Variants in SIGLEC7 observed in about 807,000 individuals in gnomAD.
SIGLEC7 encodes the protein sialic acid binding Ig like lectin 7.
A neutral mutation model predicts 40.8 loss-of-function variants in SIGLEC7; 33 were observed. The observed-to-expected ratio is 0.81, with a 90% confidence interval of 0.61 to 1.08. The LOEUF (loss-of-function observed/expected upper bound fraction) is 1.08. Among genes scored for constraint, SIGLEC7 ranks in the 50% least tolerant of loss-of-function variants. The pLI is 0.00. For missense variants in SIGLEC7, 513 were observed against 576.1 expected (o/e 0.89, Z 1.12); for synonymous variants, 242 against 237.6 (o/e 1.02, Z -0.17).
chr19:51,145,868 G>A lies in SIGLEC7; in HGVS notation c.774G>A (p.Leu258=), dbSNP rs746343511. The A allele has an allele frequency of 3.1e-6, 5 of 1,613,966 alleles. No individual in the cohort carries two copies. The Admixed American group carries it at 6.7e-5, about 22-fold the overall frequency. ...FQGEGTASTA[L]GNSSSLSVLE... ...TTTTCTCTACAGCATCCACAGCTCT[G>A]GGGAACAGCTCATCTCTTTCAGTCC... The change falls in exon 4 of 7, where the codon CTG becomes CTA. Residue 258 remains leucine, a synonymous_variant. Transcript: ENST00000317643. This position sits in a 1 kb window ranked among gnomAD's most constrained non-coding sequence, Gnocchi z 4.3.
chr19:51,150,684 G>C lies in SIGLEC7; in HGVS notation c.1222-2379G>C, dbSNP rs955308600. Among the ~76,000 whole-genome samples the C allele has an allele frequency of 3.3e-5, 5 of 152,150 alleles. No individual in the cohort carries two copies. In the East Asian group the frequency reaches 5.8e-4, roughly 18 times the overall value. On this transcript the variant is annotated intron_variant, in intron 6 of 6. Coordinates refer to ENST00000317643, the MANE Select transcript of SIGLEC7 (RefSeq NM_014385.4). Reference sequence around the variant, plus strand: ...GAAGAGTCAGTCTTCCTCCGTATTTGGGAATAGTTTCAGTAGGAACAGAAG... The same window carrying C: ...GAAGAGTCAGTCTTCCTCCGTATTTCGGAATAGTTTCAGTAGGAACAGAAG...
intron 6 of SIGLEC7, among the ~76,000 whole-genome samples, chr19:51,150,729 T>C (rs1485843092): frequency 6.6e-6 from 1 of 152,104 alleles, no homozygotes; most frequent in Admixed American, 6.5e-5. Context: ...ATCTGACATT[T>C]ATTGTGTGAT....
At chr19:51,149,457 T>C (rs1207175727) in intron 6 of SIGLEC7, among the ~76,000 whole-genome samples, 1 of 152,132 alleles carries the variant, frequency 6.6e-6, no homozygotes, top group Non-Finnish European at 1.5e-5. Context: ...AAGATCAAAT[T>C]GTTGTAGGTG....
rs117714252 is a variant in SIGLEC7 at position 51,144,668 on chromosome 19, C to G, written c.696C>G (p.Ile232Met). Reference protein sequence around the residue: ...PGAGVTTNRTIQLNVSYPPQN... With the variant: ...PGAGVTTNRTMQLNVSYPPQN... ...CCGGCGTGACCACGAACAGGACCAT[C>G]CAACTCAATGTGTCCTGTGAGTGCT... is the stretch of plus-strand genomic sequence containing the variant. The change falls in exon 2 of 7, where the codon ATC becomes ATG. Residue 232 changes from isoleucine (I) to methionine (M), a missense_variant. By Grantham distance (10) the Ile-to-Met change is conservative. Transcript: ENST00000317643. The G allele has an allele frequency of 8.4e-5, 136 of 1,613,556 alleles. No homozygotes were observed. Among genetic ancestry groups the G allele is most frequent in the Non-Finnish European group, 1.1e-4 (130 of 1,179,942 alleles).
At chr19:51,144,309 T>C in intron 1 of SIGLEC7, 97 bp from the exon 2 acceptor site, 1 of 1,512,640 alleles carries the variant, frequency 6.6e-7, no homozygotes, top group South Asian at 1.3e-5. Flanking sequence ...GTGAAGCGAG[T>C]TGGGCTCAGG....
At position 51,147,317 on chromosome 19, in the gene SIGLEC7, G is replaced by A; in HGVS notation, c.1221G>A (p.Gln407=). ...DANTIRGSAS[Q]GNLTESWADD... is the part of the protein sequence containing the mutation. Reference sequence around the variant, plus strand: ...ACACCATCAGGGGCTCAGCCTCTCAGGTGAGTGATATGGGCGTCTCCACAC... The same window carrying A: ...ACACCATCAGGGGCTCAGCCTCTCAAGTGAGTGATATGGGCGTCTCCACAC... The change falls in exon 6 of 7, where the codon CAG becomes CAA. Residue 407 remains glutamine (Q), a splice_region_variant and synonymous_variant. Transcript: ENST00000317643. 1 of 1,608,178 alleles carries A rather than the reference G, an allele frequency of 6.2e-7. No homozygotes were observed. The highest frequency in any genetic ancestry group is 8.5e-7 in the Non-Finnish European group (1 of 1,176,344).
Position 51,153,045 on chromosome 19 carries a change from T to TTC in SIGLEC7, c.1222-9_1222-8dup. On this transcript the variant is annotated splice_polypyrimidine_tract_variant and intron_variant, in intron 6 of 6. Transcript: ENST00000317643. ...TTTCCACTGCTCTGCTCTGACTCTCTTCTCTCTCTCCATTCAGGGTAACCT... is the reference window on the plus strand; with the variant it reads ...TTTCCACTGCTCTGCTCTGACTCTCTTCTCTCTCTCTCCATTCAGGGTAACCT... 1 of 1,520,710 alleles carries TTC rather than the reference T, an allele frequency of 6.6e-7. No individual in the cohort carries two copies. The highest frequency in any genetic ancestry group is 8.8e-7 in the Non-Finnish European group (1 of 1,133,182). The allele number at this position is 1,520,710 out of a possible 1,614,324, so 94.2% of individuals were successfully genotyped here.
chr19:51,143,258 T>C (rs979684772), intron 1 of SIGLEC7, among the ~76,000 whole-genome samples: 2 of 152,030 alleles, frequency 1.3e-5, no homozygotes, highest in African/African-American at 4.8e-5. Flanking sequence ...ACCCCGTGAC[T>C]CTCTCAGGCC....
chr19:51,143,442 A>G (rs1048978956), intron 1 of SIGLEC7, among the ~76,000 whole-genome samples: 3 of 152,052 alleles, frequency 2.0e-5, no homozygotes, highest in African/African-American at 4.8e-5. Flanking sequence ...AGAGGCCGGG[A>G]GGGCAGGACC....
rs780059648 is a variant in SIGLEC7, at chr19:51,147,207, G to T, written c.1125-14G>T. 1.9e-6 allele frequency: 3 copies of T among 1,611,806 alleles called. No individual in the cohort carries two copies. The highest frequency in any genetic ancestry group is 2.5e-6 in the Non-Finnish European group (3 of 1,178,790). On this transcript the variant is annotated splice_polypyrimidine_tract_variant and intron_variant, in intron 5 of 6. Transcript: ENST00000317643. The stretch of plus-strand genomic sequence containing the variant: ...TCTGACCACACTGAAAGGCTCTCTG[G>T]TCTCTTCACTCAGAGTGAGGTCCTG...
chr19:51,151,985 G>C (rs2092146675), intron 6 of SIGLEC7, among the ~76,000 whole-genome samples: 1 of 152,176 alleles, frequency 6.6e-6, no homozygotes, highest in African/African-American at 2.4e-5. Context: ...TTAGTTTCCT[G>C]TGGCTGCTGT....
Position 51,142,752 on chromosome 19 carries a change from G to A in SIGLEC7, c.383G>A (p.Gly128Glu), listed in dbSNP as rs1157213861. ...AGATACTTCTTTCGTATGGAGAAAGGAAATATAAAATGGAATTATAAATAT... is the reference window on the plus strand; with the variant it reads ...AGATACTTCTTTCGTATGGAGAAAGAAAATATAAAATGGAATTATAAATAT... ...AGRYFFRMEK[G>E]NIKWNYKYDQ... The change falls in exon 1 of 7, where the codon GGA becomes GAA. Residue 128 changes from glycine (G) to glutamate (E), a missense_variant. Transcript: ENST00000317643. This position sits in a 1 kb window ranked among gnomAD's most constrained non-coding sequence, Gnocchi z 5.0. 6.2e-7 allele frequency: 1 copy of A among 1,612,520 alleles called. No homozygotes were observed. The highest frequency in any genetic ancestry group is 2.2e-5 in the East Asian group (1 of 44,872).
Position 51,142,476 on chromosome 19 carries a change from T to C in SIGLEC7, c.107T>C (p.Val36Ala). The C allele has an allele frequency of 6.2e-7, 1 of 1,614,158 alleles. No individual in the cohort carries two copies. The highest frequency in any genetic ancestry group is 8.5e-7 in the Non-Finnish European group (1 of 1,180,026). ...YSLTMQSSVT[V>A]QEGMCVHVRC... ...CTGACGATGCAGAGTTCCGTGACCG[T>C]GCAAGAGGGCATGTGTGTCCATGTG... Residue 36 changes from valine (V) to alanine (A), a missense_variant, in exon 1 of 7, where the codon GTG (valine) becomes GCG (alanine). Transcript: ENST00000317643. The surrounding 1 kb of genome is among the most constrained non-coding windows in gnomAD (Gnocchi z 5.0).
Position 51,142,390 on chromosome 19 carries a change from G to GCTT in SIGLEC7, c.22_23insTTC (p.Leu7dup). 6.2e-7 allele frequency: 1 copy of GCTT among 1,613,778 alleles called. No homozygotes were observed. The highest frequency in any genetic ancestry group is 8.5e-7 in the Non-Finnish European group (1 of 1,179,772). On this transcript the variant is annotated inframe_insertion, in exon 1 of 7. Coordinates refer to ENST00000317643, the MANE Select transcript of SIGLEC7 (RefSeq NM_014385.4). The surrounding 1 kb of genome is among the most constrained non-coding windows in gnomAD (Gnocchi z 5.0). ...CAGATATGCTGCTGCTGCTGCTGCTGCCCCTGCTCTGGGGGAGGGAGAGGG... is the reference window on the plus strand; with the variant it reads ...CAGATATGCTGCTGCTGCTGCTGCTGCTTCCCCTGCTCTGGGGGAGGGAGAGGG...
rs535244420 is a variant in SIGLEC7, at chr19:51,144,425, C to T, written c.453C>T (p.Asn151=). The change falls in exon 2 of 7, where the codon AAC becomes AAT. Residue 151 remains asparagine (N), a synonymous_variant. Coordinates refer to ENST00000317643, the MANE Select transcript of SIGLEC7 (RefSeq NM_014385.4). Reference sequence around the variant, plus strand: ...CACCAGCCTTGACCCACAGGCCCAACATCCTTATCCCCGGTACCCTGGAGT... The same window carrying T: ...CACCAGCCTTGACCCACAGGCCCAATATCCTTATCCCCGGTACCCTGGAGT... ...VNVTALTHRP[N]ILIPGTLESG... The T allele has an allele frequency of 1.1e-4, 181 of 1,610,950 alleles. 1 individual carries two copies. In the South Asian group the frequency reaches 1.8e-3, roughly 16 times the overall value.
chr19:51,151,653 T>C (rs941498334), intron 6 of SIGLEC7, among the ~76,000 whole-genome samples: 4 of 152,146 alleles, frequency 2.6e-5, no homozygotes, highest in African/African-American at 7.2e-5. Flanking sequence ...TGATGTCCTA[T>C]AGTTGAGTCA....
intron 6 of SIGLEC7, among the ~76,000 whole-genome samples, 174 bp downstream of exon 6, chr19:51,147,491 T>C (rs1185463097): frequency 6.6e-6 from 1 of 152,174 alleles, no homozygotes; most frequent in Non-Finnish European, 1.5e-5. Flanking sequence ...TGACAGTCCC[T>C]CCTACCTACT....
At position 51,153,282 on chromosome 19, in the gene SIGLEC7, G is replaced by A. The variant is rs765226705; in HGVS notation, c.*37G>A. The A allele has an allele frequency of 2.7e-5, 39 of 1,460,080 alleles. No homozygotes were observed. Among genetic ancestry groups the A allele is most frequent in the South Asian group, 3.0e-5 (2 of 66,272 alleles). The allele number at this position is 1,460,080 out of a possible 1,614,324, so 90.4% of individuals were successfully genotyped here. A position where few individuals can be genotyped will look rare whatever the true frequency, so the allele number is the denominator to read the frequency against. On this transcript the variant is annotated 3_prime_UTR_variant, in exon 7 of 7. Coordinates refer to ENST00000317643, the MANE Select transcript of SIGLEC7 (RefSeq NM_014385.4). Reference sequence around the variant, plus strand: ...GGCTCGGGCTTGTTTGAGGGTTCACGACCCCTCCAGCAAAGGAGTCTGAGG... The same window carrying A: ...GGCTCGGGCTTGTTTGAGGGTTCACAACCCCTCCAGCAAAGGAGTCTGAGG...
chr19:51,147,263 C>T lies in SIGLEC7; in HGVS notation c.1167C>T (p.Asp389=), dbSNP rs773848640. The change falls in exon 6 of 7, where the codon GAC becomes GAT. Residue 389 remains aspartate, a synonymous_variant. Coordinates refer to ENST00000317643, the MANE Select transcript of SIGLEC7 (RefSeq NM_014385.4). ...CRKKSARPAA[D]VGDIGMKDAN... ...AGAAATCGGCAAGGCCAGCAGCGGACGTGGGAGACATAGGCATGAAGGATG... is the reference window on the plus strand; with the variant it reads ...AGAAATCGGCAAGGCCAGCAGCGGATGTGGGAGACATAGGCATGAAGGATG... The T allele has an allele frequency of 1.9e-5, 30 of 1,612,470 alleles. No homozygotes were observed. In the East Asian group the frequency reaches 2.7e-4, roughly 14 times the overall value.
Sources: gnomAD v4.1 joint callset for allele counts (sites outside exome capture counted in the v4.1 genomes callset) on GRCh38, gnomAD v4.1.1 for gene constraint, Gnocchi (gnomAD v3.1) non-coding constraint, MANE v1.5 for transcripts, NCBI Gene and HGNC (gene_info 2026-07-23, HGNC 2026-07-21) for gene names.